FOXRED2: variants seen among roughly 807,000 people sequenced by gnomAD.
FOXRED2 encodes FAD-dependent oxidoreductase domain-containing protein 2.
FOXRED2 carries 32 observed loss-of-function variants against 52.5 expected under a neutral mutation model. The observed-to-expected ratio is 0.61, with a 90% CI of 0.46 to 0.82. The LOEUF is 0.82. Among genes scored for constraint, FOXRED2 ranks in the 40% least tolerant of loss-of-function variants. The pLI is 0.00. For missense variants in FOXRED2, 848 were observed against 937.5 expected (o/e 0.90, Z 1.25); for synonymous variants, 405 against 398.1 (o/e 1.02, Z -0.21).
rs562148297 is a variant in FOXRED2, at chr22:36,504,251, G to A, written c.896C>T (p.Thr299Ile). The change falls in exon 4 of 9, where the codon ACC becomes ATC. Residue 299 changes from threonine to isoleucine, a missense_variant. Coordinates refer to ENST00000397224, the MANE Select transcript of FOXRED2 (RefSeq NM_001102371.2). ...GGCTTCTTCCAGGAAGAATTTCGGG[G>A]TGACATGGAACTTGCCTTTGCTGTC... is the stretch of plus-strand genomic sequence containing the variant. Reference protein sequence around the residue: ...LKDSKGKFHVTPKFFLEEANT... With the variant: ...LKDSKGKFHVIPKFFLEEANT... The A allele has an allele frequency of 5.4e-5, 87 of 1,614,184 alleles. No homozygotes were observed. The highest frequency in any genetic ancestry group is 7.2e-5 in the Non-Finnish European group (85 of 1,180,026).
chr22:36,495,780 G>A (rs1933879648), intron 7 of FOXRED2, among the ~76,000 whole-genome samples, 187 bp downstream of exon 7: 1 of 152,238 alleles, frequency 6.6e-6, no homozygotes, highest in South Asian at 2.1e-4. Flanking sequence ...GTCACGGTAT[G>A]TGTCAGAATC....
intron 7 of FOXRED2, among the ~76,000 whole-genome samples, 174 bp from the exon 8 acceptor site, chr22:36,493,977 A>G (rs1360937564): frequency 6.6e-6 from 1 of 152,238 alleles, no homozygotes; most frequent in East Asian, 1.9e-4. Context: ...AGCCACCTGC[A>G]GATATTTGAA....
rs760954853 is a variant in FOXRED2 at position 36,496,136 on chromosome 22, C to T, written c.1455G>A (p.Gly485=). 1 of 1,614,208 alleles carries T rather than the reference C, an allele frequency of 6.2e-7. No individual in the cohort carries two copies. The highest frequency in any genetic ancestry group is 1.3e-5 in the African/African-American group (1 of 75,054). ...CGAAGAGCCCGTGCTTTGCCTTCCT[C>T]CCTGTGAGTGTCTCCAGCTGGGCCA... is the stretch of plus-strand genomic sequence containing the variant. The part of the protein sequence containing the change: ...QMLAQLETLT[G]RKAKHGLFVI... Residue 485 remains glycine (G), a synonymous_variant, in exon 7 of 9, where the codon GGG becomes GGA. Coordinates refer to ENST00000397224, the MANE Select transcript of FOXRED2 (RefSeq NM_001102371.2).
In FOXRED2 at chr22:36,498,040, C is replaced by G; in HGVS notation, c.1333G>C (p.Gly445Arg). ...AGCACACCGAACATCTGGTAGAGCC[C>G]AGAAGCCTCATTCACGCGCCGCACG... The part of the protein sequence containing the change: ...SIVRRVNEAS[G>R]LYQMFGVLAD... Residue 445 changes from glycine (G) to arginine (R), a missense_variant, in exon 6 of 9, where the codon GGG becomes CGG. Coordinates refer to ENST00000397224, the MANE Select transcript of FOXRED2 (RefSeq NM_001102371.2). The G allele has an allele frequency of 1.2e-6, 2 of 1,614,134 alleles. No individual in the cohort carries two copies. Among genetic ancestry groups the G allele is most frequent in the Non-Finnish European group, 1.7e-6 (2 of 1,180,048 alleles).
In FOXRED2 at chr22:36,504,289, C is replaced by T; in HGVS notation, c.858G>A (p.Leu286=). Residue 286 remains leucine (L), a synonymous_variant, in exon 4 of 9, where the codon CTG becomes CTA. Transcript: ENST00000397224. ...DGLLESDLTD[L]AILKDSKGKF... ...TGCCTTTGCTGTCCTTCAGGATGGC[C>T]AGATCCGTCAGGTCAGACTCGAGCA... The T allele has an allele frequency of 6.2e-7, 1 of 1,614,144 alleles. No individual in the cohort carries two copies. The highest frequency in any genetic ancestry group is 8.5e-7 in the Non-Finnish European group (1 of 1,180,036).
At chr22:36,505,384 T>C (rs1008483248) in intron 2 of FOXRED2, among the ~76,000 whole-genome samples, 13 of 152,180 alleles carry the variant, frequency 8.5e-5, no homozygotes, top group African/African-American at 3.1e-4. Context: ...GCTCCTTCCA[T>C]TGGTGAGGAT....
At chr22:36,506,770 G>A (rs1383041333) in intron 1 of FOXRED2, 1 of 230,388 alleles carries the variant, frequency 4.3e-6, no homozygotes, top group African/African-American at 2.3e-5. Context: ...CCACCCTCCA[G>A]GTTGGACCTT....
Position 36,504,577 on chromosome 22 carries a change from G to T in FOXRED2, c.717C>A (p.Ile239=). ...GGACCCGGGAGCGGCTGAGCATATG[G>T]ATAAAGTTTGTGACACCCAAGATGT... ...AENILGVTNF[I]HMLSRSRVRL... Residue 239 remains isoleucine, a synonymous_variant, in exon 3 of 9, where the codon ATC becomes ATA. Transcript: ENST00000397224. 6.2e-7 allele frequency: 1 copy of T among 1,614,190 alleles called. No individual in the cohort carries two copies. Among genetic ancestry groups the T allele is most frequent in the Non-Finnish European group, 8.5e-7 (1 of 1,180,032 alleles).
rs1194164052 is a variant in FOXRED2, at chr22:36,487,413, G to A, written c.*2595C>T. On this transcript the variant is annotated 3_prime_UTR_variant, in exon 9 of 9. Transcript: ENST00000397224. ...CAGGGGTATAAGCCAGAGTGGTGGG[G>A]TGAGAAGTTTAGACAGGAAAGATGG... 2 of 152,296 alleles carry A rather than the reference G, an allele frequency of 1.3e-5. No homozygotes were observed. The highest frequency in any genetic ancestry group is 4.1e-4 in the South Asian group (2 of 4,830). The allele number at this position is 152,296 out of a possible 1,614,324, so 9.4% of individuals were successfully genotyped here. A position where few individuals can be genotyped will look rare whatever the true frequency, so the allele number is the denominator to read the frequency against.
At chr22:36,506,482 G>A (rs1035137000) in intron 1 of FOXRED2, 59 bp from the exon 2 acceptor site, 3 of 1,400,302 alleles carry the variant, frequency 2.1e-6, no homozygotes, top group Non-Finnish European at 2.8e-6. Flanking sequence ...GAGACACGAG[G>A]CCCAGAAAGA....
intron 5 of FOXRED2, among the ~76,000 whole-genome samples, 180 bp downstream of exon 5, chr22:36,501,061 T>C (rs1052696844): frequency 2.0e-5 from 3 of 152,174 alleles, no homozygotes; most frequent in South Asian, 4.1e-4. Context: ...TATCTGATAC[T>C]TTCCTAAACA....
intron 7 of FOXRED2, among the ~76,000 whole-genome samples, chr22:36,494,514 G>A (rs1229077251): frequency 6.6e-6 from 1 of 152,188 alleles, no homozygotes; most frequent in Non-Finnish European, 1.5e-5. Flanking sequence ...TCTCCCTGGT[G>A]TGGGCTCCCT....
intron 7 of FOXRED2, among the ~76,000 whole-genome samples, chr22:36,494,784 C>T (rs373255831): frequency 3.2e-4 from 49 of 151,938 alleles, no homozygotes; most frequent in African/African-American, 9.9e-4. Flanking sequence ...GGACTACAGG[C>T]GCACGCCACC....
chr22:36,499,213 G>A lies in FOXRED2; in HGVS notation c.1217-1057C>T, dbSNP rs200791286. On this transcript the variant is annotated intron_variant, in intron 5 of 8. Transcript: ENST00000397224. The stretch of plus-strand genomic sequence containing the variant: ...TGGGATTATAGGCATGAGCCACTAC[G>A]CCCAGCCTGCCTTACTGTCTTTAAA... Among the ~76,000 whole-genome samples, 13 of 152,198 alleles carry A rather than the reference G, an allele frequency of 8.5e-5. No individual in the cohort carries two copies. In the East Asian group the frequency reaches 2.3e-3, roughly 27 times the overall value.
chr22:36,504,512 T>C lies in FOXRED2; in HGVS notation c.779+3A>G, dbSNP rs775372717. ...AGAACACACATGCGGGGATGTGGCCTACCTGAGGTCTCCAACGTAGTGGGT... is the reference window on the plus strand; with the variant it reads ...AGAACACACATGCGGGGATGTGGCCCACCTGAGGTCTCCAACGTAGTGGGT... On this transcript the variant is annotated splice_donor_region_variant and intron_variant, in intron 3 of 8. Transcript: ENST00000397224. 66 of 1,613,954 alleles carry C rather than the reference T, an allele frequency of 4.1e-5. No individual in the cohort carries two copies. Among genetic ancestry groups the C allele is most frequent in the South Asian group, 2.5e-4 (23 of 91,088 alleles).
At chr22:36,497,545 G>A (rs1933934260) in intron 6 of FOXRED2, among the ~76,000 whole-genome samples, 1 of 151,726 alleles carries the variant, frequency 6.6e-6, no homozygotes, top group African/African-American at 2.4e-5. Context: ...GCTCTGCACC[G>A]TTTCCTTCTC....
chr22:36,496,022 G>A lies in FOXRED2; in HGVS notation c.1569C>T (p.Ala523=). The A allele has an allele frequency of 6.2e-7, 1 of 1,614,252 alleles. No homozygotes were observed. Among genetic ancestry groups the A allele is most frequent in the Non-Finnish European group, 8.5e-7 (1 of 1,180,044 alleles). ...CAGGATGAAGAAAGTTAGACTGCCA[G>A]GCATCTTCTGTGTGCCCCACAGACC... ...DDRSVGHTED[A]WQSNFLHPVI... The change falls in exon 7 of 9, where the codon GCC becomes GCT. Residue 523 remains alanine, a synonymous_variant. Transcript: ENST00000397224.
intron 8 of FOXRED2, among the ~76,000 whole-genome samples, chr22:36,492,599 G>A (rs140763451): frequency 0.054 from 8,150 of 152,184 alleles, 249 homozygotes; most frequent in East Asian, 0.11. Flanking sequence ...TGCAACATCC[G>A]CCTTCCGGGT....
rs1350246935 is a variant in FOXRED2 at position 36,498,242 on chromosome 22, CCT to C, written c.1217-88_1217-87del. The C allele has an allele frequency of 4.1e-6, 6 of 1,466,956 alleles. No individual in the cohort carries two copies. In the Admixed American group the frequency reaches 7.8e-5, roughly 19 times the overall value. The allele number at this position is 1,466,956 out of a possible 1,614,324, so 90.9% of individuals were successfully genotyped here. Reference sequence around the variant, plus strand: ...GAGGGATGCCCAGGCCTCATTGACCCCTGAGAACGCCATACACACTGGTCTCC... The same window carrying C: ...GAGGGATGCCCAGGCCTCATTGACCCGAGAACGCCATACACACTGGTCTCC... On this transcript the variant is annotated intron_variant, in intron 5 of 8. Transcript: ENST00000397224.
Sources: gnomAD v4.1 joint callset for allele counts (sites outside exome capture counted in the v4.1 genomes callset) on GRCh38, gnomAD v4.1.1 for gene constraint, MANE v1.5 for transcripts, NCBI Gene and HGNC (gene_info 2026-07-23, HGNC 2026-07-21) for gene names.